The following PRSS38 variants were observed in gnomAD, a reference collection of about 807,000 sequenced individuals.
PRSS38 encodes the protein marapsin 2.
A neutral mutation model predicts 26.8 loss-of-function variants in PRSS38; 22 were observed. The observed-to-expected ratio is 0.82, with a 90% CI of 0.59 to 1.17. The LOEUF (loss-of-function observed/expected upper bound fraction) is 1.17, where lower values mean the gene tolerates loss of function less well. Ranked by LOEUF, PRSS38 falls within the 50% of genes most tolerant of loss-of-function variation. PRSS38 has a pLI of 0.00. For missense variants in PRSS38, 427 were observed against 422.7 expected (o/e 1.01, Z -0.09); for synonymous variants, 175 against 172.1 (o/e 1.02, Z -0.13).
At position 227,824,028 on chromosome 1, in the gene PRSS38, A is replaced by G. The variant is rs112234748; in HGVS notation, c.583+6548A>G. The stretch of plus-strand genomic sequence containing the variant: ...ATTTTTAGTTCTTTGAGAGATCTCT[A>G]TATAGTTTTCAATAGAGGTTGTACT... On this transcript the variant is annotated intron_variant, in intron 3 of 4. Coordinates refer to ENST00000366757, the Ensembl canonical transcript of PRSS38. Among the ~76,000 whole-genome samples, 269 of 152,258 alleles carry G rather than the reference A, an allele frequency of 1.8e-3. 1 individual carries two copies. The highest frequency in any genetic ancestry group is 5.7e-3 in the African/African-American group (238 of 41,550).
At chr1:227,845,830 GA>G in intron 4 of PRSS38, 123 bp from the exon 5 acceptor site, 1 of 1,387,102 alleles carries the variant, frequency 7.2e-7, no homozygotes, top group South Asian at 1.3e-5. Flanking sequence ...GGCTGGGTGA[GA>G]GGGGGGCACT....
At chr1:227,832,642 CA>C (rs1201672335) in intron 3 of PRSS38, among the ~76,000 whole-genome samples, 1 of 152,062 alleles carries the variant, frequency 6.6e-6, no homozygotes, top group Non-Finnish European at 1.5e-5. Context: ...CATATTATAC[CA>C]GAAGCTCTAG....
chr1:227,833,296 G>A (rs1665183397), intron 3 of PRSS38, among the ~76,000 whole-genome samples: 1 of 152,202 alleles, frequency 6.6e-6, no homozygotes, highest in African/African-American at 2.4e-5. Flanking sequence ...GGGAGGCCGA[G>A]GTGGGCAGAT....
chr1:227,840,596 AGT>A (rs1340556626), intron 3 of PRSS38, among the ~76,000 whole-genome samples: 2 of 152,216 alleles, frequency 1.3e-5, no homozygotes, highest in Non-Finnish European at 2.9e-5. Flanking sequence ...AGAGTGGAGC[AGT>A]GGCTGCAGAG....
chr1:227,823,798 G>A (rs1481059937), intron 3 of PRSS38, among the ~76,000 whole-genome samples: 1 of 152,194 alleles, frequency 6.6e-6, no homozygotes, highest in Non-Finnish European at 1.5e-5. Flanking sequence ...CTGCAGAACT[G>A]TGAGCCAAAA....
Position 227,816,302 on chromosome 1 carries a change from G to T in PRSS38, c.311+50G>T. 2 of 1,573,982 alleles carry T rather than the reference G, an allele frequency of 1.3e-6. No individual in the cohort carries two copies. The highest frequency in any genetic ancestry group is 1.7e-6 in the Non-Finnish European group (2 of 1,152,496). On this transcript the variant is annotated intron_variant, in intron 2 of 4. Coordinates refer to ENST00000366757, the Ensembl canonical transcript of PRSS38. This position sits in a 1 kb window ranked among gnomAD's most constrained non-coding sequence, Gnocchi z 5.1. ...GTGTGGGTAGCTGGGCCTGCACGGA[G>T]TGCCCACAGCGGCTTGGATGGACCC... is the stretch of plus-strand genomic sequence containing the variant.
At position 227,816,954 on chromosome 1, in the gene PRSS38, A is replaced by G. The variant is rs1664927350; in HGVS notation, c.312-255A>G. 6.6e-6 allele frequency among the ~76,000 whole-genome samples: 1 copy of G among 152,236 alleles called. No homozygotes were observed. Among genetic ancestry groups the G allele is most frequent in the Non-Finnish European group, 1.5e-5 (1 of 68,038 alleles). ...GTCAGTAAGAGTCAGAGCAGGTCTCACATGCATGGGCTGCTGGCCTGTACA... is the reference window on the plus strand; with the variant it reads ...GTCAGTAAGAGTCAGAGCAGGTCTCGCATGCATGGGCTGCTGGCCTGTACA... On this transcript the variant is annotated intron_variant, in intron 2 of 4. Transcript: ENST00000366757. This position sits in a 1 kb window ranked among gnomAD's most constrained non-coding sequence, Gnocchi z 5.1.
intron 3 of PRSS38, among the ~76,000 whole-genome samples, chr1:227,825,173 G>C (rs1259206931): frequency 6.6e-6 from 1 of 152,098 alleles, no homozygotes; most frequent in Admixed American, 6.6e-5. Flanking sequence ...GTATTGCCTA[G>C]ATTTTCTTCT....
chr1:227,845,457 C>T lies in PRSS38; in HGVS notation c.584-13C>T. On this transcript the variant is annotated splice_polypyrimidine_tract_variant and intron_variant, in intron 3 of 4. Coordinates refer to ENST00000366757, the Ensembl canonical transcript of PRSS38. ...GCAGGTGCTGCCCCCTCACGGGAGC[C>T]CTCCTCCCACAGGTGAGACCTCAGA... The T allele has an allele frequency of 2.5e-6, 4 of 1,603,860 alleles. No homozygotes were observed. Among genetic ancestry groups the T allele is most frequent in the South Asian group, 2.2e-5 (2 of 90,248 alleles).
intron 3 of PRSS38, among the ~76,000 whole-genome samples, chr1:227,825,894 T>G (rs1207604964): frequency 1.3e-5 from 2 of 152,206 alleles, no homozygotes; most frequent in East Asian, 3.8e-4. Flanking sequence ...AATTTTAAAA[T>G]AGTTTTCTTC....
chr1:227,828,844 C>T (rs748620757), intron 3 of PRSS38, among the ~76,000 whole-genome samples: 56 of 152,126 alleles, frequency 3.7e-4, no homozygotes, highest in Non-Finnish European at 6.8e-4. Flanking sequence ...TCCGTGTGTG[C>T]CTGAGTGGCT....
chr1:227,836,992 C>A (rs1255775848), intron 3 of PRSS38, among the ~76,000 whole-genome samples: 2 of 151,868 alleles, frequency 1.3e-5, no homozygotes, highest in African/African-American at 2.4e-5. Flanking sequence ...TTTATTTAAT[C>A]TTATTTTATT....
intron 4 of PRSS38, 130 bp downstream of exon 4, chr1:227,845,742 T>G: frequency 2.4e-6 from 3 of 1,237,798 alleles, no homozygotes; most frequent in South Asian, 1.4e-5. Context: ...AGCAGGGCGA[T>G]GTATGACAAT....
Position 227,816,408 on chromosome 1 carries a change from C to T in PRSS38, c.311+156C>T, listed in dbSNP as rs1664918827. On this transcript the variant is annotated intron_variant, in intron 2 of 4. Coordinates refer to ENST00000366757, the Ensembl canonical transcript of PRSS38. The surrounding 1 kb of genome is among the most constrained non-coding windows in gnomAD (Gnocchi z 5.1). ...CAAGGCCAGGTCCCCACCAGTGAGG[C>T]TGGTCCCCAAACACACAGCTGGGTC... Among the ~76,000 whole-genome samples, 1 of 152,204 alleles carries T rather than the reference C, an allele frequency of 6.6e-6. No individual in the cohort carries two copies. The highest frequency in any genetic ancestry group is 2.4e-5 in the African/African-American group (1 of 41,498).
At chr1:227,824,232 C>CA (rs1269428213) in intron 3 of PRSS38, among the ~76,000 whole-genome samples, 1 of 152,118 alleles carries the variant, frequency 6.6e-6, no homozygotes, top group Non-Finnish European at 1.5e-5. Flanking sequence ...TCTATCCCCC[C>CA]AAACAGGCCC....
rs1572078556 is a variant in PRSS38 at position 227,816,325 on chromosome 1, C to A, written c.311+73C>A. Reference sequence around the variant, plus strand: ...GAGTGCCCACAGCGGCTTGGATGGACCCCACGCAAGCCTCCCCCATCACCA... The same window carrying A: ...GAGTGCCCACAGCGGCTTGGATGGAACCCACGCAAGCCTCCCCCATCACCA... On this transcript the variant is annotated intron_variant, in intron 2 of 4. Coordinates refer to ENST00000366757, the Ensembl canonical transcript of PRSS38. The surrounding 1 kb of genome is among the most constrained non-coding windows in gnomAD (Gnocchi z 5.1). 2 of 1,461,920 alleles carry A rather than the reference C, an allele frequency of 1.4e-6. No homozygotes were observed. Among genetic ancestry groups the A allele is most frequent in the African/African-American group, 1.4e-5 (1 of 71,826 alleles). 90.6% of individuals were successfully genotyped at this position (1,461,920 alleles called of 1,614,324 possible). A position where few individuals can be genotyped will look rare whatever the true frequency, so the allele number is the denominator to read the frequency against.
chr1:227,837,508 C>G lies in PRSS38; in HGVS notation c.584-7962C>G, dbSNP rs892103153. On this transcript the variant is annotated intron_variant, in intron 3 of 4. Coordinates refer to ENST00000366757, the Ensembl canonical transcript of PRSS38. ...TCTCCATAGTCCTGCTAATAGACGTCTGGGTTGCCATCAGTGTTTAGGTCA... is the reference window on the plus strand; with the variant it reads ...TCTCCATAGTCCTGCTAATAGACGTGTGGGTTGCCATCAGTGTTTAGGTCA... Among the ~76,000 whole-genome samples the G allele has an allele frequency of 2.0e-5, 3 of 152,198 alleles. No individual in the cohort carries two copies. The East Asian group carries it at 5.8e-4, about 29-fold the overall frequency.
intron 3 of PRSS38, among the ~76,000 whole-genome samples, chr1:227,841,508 T>C (rs942016418): frequency 7.9e-5 from 12 of 152,236 alleles, no homozygotes; most frequent in Admixed American, 7.9e-4. Context: ...TGTATTTTAC[T>C]ACTCAGCAGT....
chr1:227,819,390 G>A (rs751159801), intron 3 of PRSS38, among the ~76,000 whole-genome samples: 2 of 152,086 alleles, frequency 1.3e-5, no homozygotes, highest in Non-Finnish European at 2.9e-5. Flanking sequence ...GTCTCCTTTG[G>A]TCATGTTACA....
Sources: allele counts gnomAD v4.1 joint callset (sites outside exome capture counted in the v4.1 genomes callset), GRCh38; gene constraint gnomAD v4.1.1; non-coding constraint Gnocchi (gnomAD v3.1); transcripts MANE v1.5; gene names NCBI Gene and HGNC (gene_info 2026-07-23, HGNC 2026-07-21).